Variants in STAG1 observed in about 807,000 individuals in gnomAD.
STAG1 encodes STAG1 cohesin complex component.
In STAG1, 26 loss-of-function variants were observed where a neutral mutation model predicts 170.9. The observed-to-expected ratio is 0.15, with a 90% CI of 0.11 to 0.21. The LOEUF is 0.21. Ranked by LOEUF, STAG1 falls within the 10% of genes least tolerant of loss-of-function variation. The pLI is 1.00. For synonymous variants in STAG1, 514 were observed against 497.7 expected (o/e 1.03, Z -0.44); for missense variants, 964 against 1,509.5 (o/e 0.64, Z 5.99).
Position 136,360,148 on chromosome 3 carries a change from C to A in STAG1, c.2788-852G>T, listed in dbSNP as rs1936806530. Among the ~76,000 whole-genome samples, 3 of 152,180 alleles carry A rather than the reference C, an allele frequency of 2.0e-5. No homozygotes were observed. The South Asian group carries it at 6.2e-4, about 32-fold the overall frequency. ...CTGGAGGTAATATACAAGCAATTAT[C>A]ATTCCACTACCAAATCTAAAAACTT... is the stretch of plus-strand genomic sequence containing the variant. On this transcript the variant is annotated intron_variant, in intron 26 of 33. Transcript: ENST00000383202.
At chr3:136,350,770 G>A (rs974058375) in intron 28 of STAG1, among the ~76,000 whole-genome samples, 1 of 152,134 alleles carries the variant, frequency 6.6e-6, no homozygotes, top group African/African-American at 2.4e-5. Flanking sequence ...TGATGACTTT[G>A]TTTATTTGGA....
intron 4 of STAG1, among the ~76,000 whole-genome samples, chr3:136,579,758 T>C (rs188662635): frequency 1.5e-3 from 232 of 152,274 alleles, no homozygotes; most frequent in African/African-American, 4.9e-3. Context: ...TTTGCATATG[T>C]TTTACTAAGG....
In STAG1 at chr3:136,336,659, A is replaced by G. The variant is rs1042137602; in HGVS notation, c.*1595T>C. ...CCCCAGCTCCCCTAACTGGAGCCCAAGAATTGCTGAATTAGCAGAGAAGAT... is the reference window on the plus strand; with the variant it reads ...CCCCAGCTCCCCTAACTGGAGCCCAGGAATTGCTGAATTAGCAGAGAAGAT... On this transcript the variant is annotated 3_prime_UTR_variant, in exon 34 of 34. Transcript: ENST00000383202. 6.6e-6 allele frequency: 1 copy of G among 152,180 alleles called. No homozygotes were observed. Among genetic ancestry groups the G allele is most frequent in the African/African-American group, 2.4e-5 (1 of 41,454 alleles). The allele number at this position is 152,180 out of a possible 1,614,324, so 9.4% of individuals were successfully genotyped here.
chr3:136,492,962 G>C (rs576358168), intron 9 of STAG1, among the ~76,000 whole-genome samples: 55 of 152,282 alleles, frequency 3.6e-4, no homozygotes, highest in African/African-American at 1.3e-3. Flanking sequence ...AGCTGGGCTA[G>C]AGCAGTGCTT....
chr3:136,411,326 T>A (rs1013757488), intron 21 of STAG1, among the ~76,000 whole-genome samples: 2 of 149,484 alleles, frequency 1.3e-5, no homozygotes, highest in East Asian at 1.9e-4. Context: ...ATGAAAAAAA[T>A]AAAAAATAAA....
chr3:136,449,003 T>C, intron 14 of STAG1, among the ~76,000 whole-genome samples: 1 of 152,146 alleles, frequency 6.6e-6, no homozygotes, highest in East Asian at 1.9e-4. Flanking sequence ...TTACAAAATT[T>C]TACCAATTAA....
intron 5 of STAG1, among the ~76,000 whole-genome samples, chr3:136,550,248 C>T (rs928497703): frequency 7.9e-5 from 12 of 151,600 alleles, no homozygotes; most frequent in African/African-American, 2.7e-4. Flanking sequence ...CCAGTGAAGC[C>T]AAATGATACT....
At chr3:136,670,480 GGGGT>G (rs953437789) in intron 1 of STAG1, among the ~76,000 whole-genome samples, 12 of 152,094 alleles carry the variant, frequency 7.9e-5, no homozygotes, top group African/African-American at 2.2e-4. Context: ...CCTTTTTTGG[GGGGT>G]GGGTGGAGCA....
At chr3:136,530,880 T>C (rs1935333540) in intron 6 of STAG1, among the ~76,000 whole-genome samples, 1 of 152,072 alleles carries the variant, frequency 6.6e-6, no homozygotes, top group East Asian at 1.9e-4. Flanking sequence ...CTGAAGTTGG[T>C]GGATCACCTG....
chr3:136,374,935 C>T (rs1937521617), intron 23 of STAG1, among the ~76,000 whole-genome samples: 1 of 151,992 alleles, frequency 6.6e-6, no homozygotes, highest in Admixed American at 6.6e-5. Flanking sequence ...ATCTTTTATA[C>T]TGTATTTTAG....
At chr3:136,663,864 C>G (rs1205816641) in intron 1 of STAG1, among the ~76,000 whole-genome samples, 1 of 151,854 alleles carries the variant, frequency 6.6e-6, no homozygotes, top group Non-Finnish European at 1.5e-5. Flanking sequence ...ATAAAACAAC[C>G]GAGATCCAAC....
intron 22 of STAG1, among the ~76,000 whole-genome samples, chr3:136,383,125 T>G (rs1353123757): frequency 2.0e-5 from 3 of 152,220 alleles, no homozygotes; most frequent in Non-Finnish European, 4.4e-5. Context: ...GGTCATGTGA[T>G]AGTAAGTATC....
At chr3:136,472,520 C>G (rs1329106524) in intron 11 of STAG1, 28 bp from the exon 12 acceptor site, 3 of 1,496,614 alleles carry the variant, frequency 2.0e-6, no homozygotes, top group African/African-American at 2.8e-5. Flanking sequence ...TAAAACAAAC[C>G]AACTATGAAC....
intron 15 of STAG1, among the ~76,000 whole-genome samples, chr3:136,439,401 C>CACACCG (rs2088565137): frequency 8.1e-6 from 1 of 123,104 alleles, no homozygotes. Context: ...CACACACACA[C>CACACCG]ACACACACAC....
At chr3:136,409,137 C>T (rs1402924203) in intron 21 of STAG1, among the ~76,000 whole-genome samples, 3 of 151,890 alleles carry the variant, frequency 2.0e-5, no homozygotes, top group African/African-American at 4.8e-5. Context: ...TGGTGGCGGG[C>T]ACTGTAGTTC....
rs373595838 is a variant in STAG1 at position 136,716,133 on chromosome 3, A to G, written c.-84+36062T>C. 2.0e-5 allele frequency among the ~76,000 whole-genome samples: 3 copies of G among 146,900 alleles called. No homozygotes were observed. The South Asian group carries it at 6.5e-4, about 32-fold the overall frequency. Reference sequence around the variant, plus strand: ...AATAAAAATTAAAAACATAAATTGAATTTTCATGGTTCACTTTTCATGGTT... The same window carrying G: ...AATAAAAATTAAAAACATAAATTGAGTTTTCATGGTTCACTTTTCATGGTT... On this transcript the variant is annotated intron_variant, in intron 1 of 33. Coordinates refer to ENST00000383202, the MANE Select transcript of STAG1 (RefSeq NM_005862.3).
At chr3:136,720,892 G>A (rs985752880) in intron 1 of STAG1, among the ~76,000 whole-genome samples, 1 of 152,176 alleles carries the variant, frequency 6.6e-6, no homozygotes, top group Non-Finnish European at 1.5e-5. Context: ...ACAGAGCACT[G>A]TTAACATTAG....
intron 6 of STAG1, among the ~76,000 whole-genome samples, chr3:136,523,395 A>T (rs995012459): frequency 2.2e-5 from 3 of 135,800 alleles, no homozygotes; most frequent in Non-Finnish European, 4.7e-5. Flanking sequence ...TCATATCCTT[A>T]GCCCACTTGT....
chr3:136,748,636 A>G (rs1192600333), intron 1 of STAG1, among the ~76,000 whole-genome samples: 1 of 151,612 alleles, frequency 6.6e-6, no homozygotes, highest in Non-Finnish European at 1.5e-5. Context: ...TCCTGACCTC[A>G]GGTGATCCAC....
Sources: gnomAD v4.1 joint callset for allele counts (sites outside exome capture counted in the v4.1 genomes callset) on GRCh38, gnomAD v4.1.1 for gene constraint, MANE v1.5 for transcripts, NCBI Gene and HGNC (gene_info 2026-07-23, HGNC 2026-07-21) for gene names.